SYNJ2: variants seen among roughly 807,000 people sequenced by gnomAD.
The protein encoded by SYNJ2 is synaptojanin 2.
Under a neutral mutation model 141.3 loss-of-function variants are expected in SYNJ2, and 116 were observed. That is an observed-to-expected ratio of 0.82 (90% CI 0.71 to 0.96). The LOEUF is 0.96. Ranked by LOEUF, SYNJ2 falls within the 40% of genes least tolerant of loss-of-function variation. The pLI is 0.00. For missense variants in SYNJ2, 1,873 were observed against 1,934.8 expected, an observed-to-expected ratio of 0.97 and a Z score of 0.60; for synonymous variants, 745 against 777.7, an observed-to-expected ratio of 0.96 and a Z score of 0.70.
intron 3 of SYNJ2, among the ~76,000 whole-genome samples, chr6:158,032,576 A>G (rs1262742952): frequency 1.3e-5 from 2 of 152,202 alleles, no homozygotes; most frequent in South Asian, 4.1e-4. Flanking sequence ...GGGCCTCATG[A>G]AGAAAGGCTC....
In SYNJ2 at chr6:158,007,264, G is replaced by A. The variant is rs556013298; in HGVS notation, c.128-9940G>A. 3.5e-4 allele frequency among the ~76,000 whole-genome samples: 53 copies of A among 152,288 alleles called. 1 individual carries two copies. The South Asian group carries it at 3.9e-3, about 11-fold the overall frequency. ...ATTAGAGGCAGGAGCCCCCACACCCGGCCCCATGATTGTAAATAACTCTGT... is the reference window on the plus strand; with the variant it reads ...ATTAGAGGCAGGAGCCCCCACACCCAGCCCCATGATTGTAAATAACTCTGT... On this transcript the variant is annotated intron_variant, in intron 1 of 26. Coordinates refer to ENST00000355585, the MANE Select transcript of SYNJ2 (RefSeq NM_003898.4).
chr6:158,033,769 C>T (rs1779498982), intron 4 of SYNJ2, 89 bp downstream of exon 4: 1 of 1,349,660 alleles, frequency 7.4e-7, no homozygotes, highest in Admixed American at 2.1e-5. Flanking sequence ...CAGAAGAGGC[C>T]CTGGCATATT....
chr6:158,044,008 C>T (rs1780098928), intron 5 of SYNJ2, among the ~76,000 whole-genome samples: 1 of 152,238 alleles, frequency 6.6e-6, no homozygotes, highest in Admixed American at 6.5e-5. Flanking sequence ...GACACGCTGC[C>T]TCCTTCACCA....
At position 158,095,671 on chromosome 6, in the gene SYNJ2, G is replaced by A. The variant is rs775967614; in HGVS notation, c.3798G>A (p.Gly1266=). Residue 1266 remains glycine (G), a synonymous_variant, in exon 27 of 27, where the codon GGG becomes GGA. Transcript: ENST00000355585. ...FEQQTVHFTI[G]PPETSVEAPP... Reference sequence around the variant, plus strand: ...AACAGACTGTCCATTTTACAATCGGGCCCCCGGAGACAAGCGTTGAGGCCC... The same window carrying A: ...AACAGACTGTCCATTTTACAATCGGACCCCCGGAGACAAGCGTTGAGGCCC... 27 of 1,613,038 alleles carry A rather than the reference G, an allele frequency of 1.7e-5. No individual in the cohort carries two copies. Among genetic ancestry groups the A allele is most frequent in the Non-Finnish European group, 1.5e-5 (18 of 1,179,656 alleles).
At chr6:158,035,161 C>T (rs989520046) in intron 4 of SYNJ2, among the ~76,000 whole-genome samples, 15 of 152,216 alleles carry the variant, frequency 9.9e-5, no homozygotes, top group African/African-American at 3.1e-4. Context: ...CTTGGCTATT[C>T]GGGCTCTTTT....
chr6:158,017,399 T>A, intron 2 of SYNJ2, 109 bp downstream of exon 2: 146 of 832,766 alleles, frequency 1.8e-4, no homozygotes, highest in Middle Eastern at 3.9e-4. Flanking sequence ...CTCTTCTCTC[T>A]CTCTTCTTTT....
intron 15 of SYNJ2, among the ~76,000 whole-genome samples, chr6:158,073,914 T>A (rs56102260): frequency 0.69 from 103,496 of 150,174 alleles, 35,967 homozygotes; most frequent in East Asian, 0.88. Context: ...TTTTTTTTTT[T>A]AATCTAAGAG....
chr6:158,073,897 CTTTGTT>C (rs1248399385), intron 15 of SYNJ2, among the ~76,000 whole-genome samples: 2 of 52,760 alleles, frequency 3.8e-5, no homozygotes, highest in Admixed American at 2.4e-4. Flanking sequence ...TGTTTCTGAA[CTTTGTT>C]TTTTTTTTTT....
intron 1 of SYNJ2, among the ~76,000 whole-genome samples, chr6:157,993,141 C>T (rs1777512995): frequency 6.6e-6 from 1 of 150,432 alleles, no homozygotes; most frequent in Non-Finnish European, 1.5e-5. Context: ...AATTTACATT[C>T]CCACCAACTG....
chr6:158,055,140 A>G, intron 6 of SYNJ2, 112 bp downstream of exon 6: 3 of 1,101,306 alleles, frequency 2.7e-6, no homozygotes, highest in Non-Finnish European at 4.0e-6. Flanking sequence ...TGAACCCTGA[A>G]TCTAAAGCTG....
chr6:158,031,620 G>GTC (rs55908558), intron 3 of SYNJ2, among the ~76,000 whole-genome samples: 57,278 of 151,720 alleles, frequency 0.38, 11,048 homozygotes, highest in Middle Eastern at 0.49. Context: ...GTGGCGCAGC[G>GTC]TGAGGTCTGG....
intron 1 of SYNJ2, among the ~76,000 whole-genome samples, chr6:157,986,151 A>G (rs189936879): frequency 3.9e-5 from 6 of 152,272 alleles, no homozygotes; most frequent in Admixed American, 3.9e-4. Flanking sequence ...ATGCTCCTGG[A>G]CAAAGTTGAA....
At chr6:157,990,101 G>T (rs1053873931) in intron 1 of SYNJ2, among the ~76,000 whole-genome samples, 7 of 152,236 alleles carry the variant, frequency 4.6e-5, no homozygotes, top group Non-Finnish European at 1.0e-4. Context: ...TGCTTGTAAA[G>T]CCTCCTGGTT....
At chr6:158,030,105 G>A (rs537186781) in intron 3 of SYNJ2, among the ~76,000 whole-genome samples, 30 of 152,264 alleles carry the variant, frequency 2.0e-4, no homozygotes, top group African/African-American at 7.0e-4. Context: ...AAGATCTCCT[G>A]GTGCTTTTTC....
Position 157,982,093 on chromosome 6 carries a change from G to A in SYNJ2, c.127+5G>A. 7.5e-7 allele frequency: 1 copy of A among 1,324,958 alleles called. No homozygotes were observed. The highest frequency in any genetic ancestry group is 9.6e-7 in the Non-Finnish European group (1 of 1,039,280). The allele number at this position is 1,324,958 out of a possible 1,614,324, so 82.1% of individuals were successfully genotyped here. A position where few individuals can be genotyped will look rare whatever the true frequency, so the allele number is the denominator to read the frequency against. ...CCGGCACGGTGGCCACGCTGGGTGA[G>A]TCCGGGCCGGGGGCAGCGACGCCCG... On this transcript the variant is annotated splice_donor_5th_base_variant and intron_variant, in intron 1 of 26. Transcript: ENST00000355585. The surrounding 1 kb of genome is among the most constrained non-coding windows in gnomAD (Gnocchi z 4.0).
intron 2 of SYNJ2, among the ~76,000 whole-genome samples, chr6:158,025,087 G>C (rs1778969719): frequency 1.3e-5 from 2 of 152,190 alleles, no homozygotes; most frequent in Non-Finnish European, 2.9e-5. Flanking sequence ...TTTATTTCGC[G>C]CAGTTCTGGA....
chr6:158,096,353 G>A lies in SYNJ2; in HGVS notation c.4480G>A (p.Ala1494Thr). Residue 1494 changes from alanine to threonine, a missense_variant, in exon 27 of 27, where the codon GCA becomes ACA. Ala to Thr is a moderately conservative substitution (Grantham distance 58). Coordinates refer to ENST00000355585, the MANE Select transcript of SYNJ2 (RefSeq NM_003898.4). ...RTALQVFDPL[A>T]KT ...AGCACTGCAGGTGTTTGACCCACTGGCAAAAACATGACTGAGCAGCTTTGA... is the reference window on the plus strand; with the variant it reads ...AGCACTGCAGGTGTTTGACCCACTGACAAAAACATGACTGAGCAGCTTTGA... 1 of 1,603,740 alleles carries A rather than the reference G, an allele frequency of 6.2e-7. No individual in the cohort carries two copies. The highest frequency in any genetic ancestry group is 8.5e-7 in the Non-Finnish European group (1 of 1,176,478).
chr6:157,990,357 C>G (rs1583281936), intron 1 of SYNJ2, among the ~76,000 whole-genome samples: 1 of 152,292 alleles, frequency 6.6e-6, no homozygotes. Context: ...TGGCGTGCCC[C>G]AAGCCAGCCT....
Position 158,066,537 on chromosome 6 carries a change from A to G in SYNJ2, c.1619A>G (p.Asn540Ser), listed in dbSNP as rs1427409089. Residue 540 changes from asparagine (N) to serine (S), a missense_variant, in exon 12 of 27, where the codon AAC (asparagine) becomes AGC (serine). Physicochemically the swap from Asn to Ser is conservative, Grantham distance 46. Coordinates refer to ENST00000355585, the MANE Select transcript of SYNJ2 (RefSeq NM_003898.4). Reference protein sequence around the residue: ...IRIAMGTWNVNGGKQFRSNVL... With the variant: ...IRIAMGTWNVSGGKQFRSNVL... ...ATTGCTATGGGGACCTGGAACGTGA[A>G]CGGAGGAAAGCAGTTCCGGAGCAAC... 6.2e-7 allele frequency: 1 copy of G among 1,614,110 alleles called. No homozygotes were observed. The highest frequency in any genetic ancestry group is 1.3e-5 in the African/African-American group (1 of 74,944).
Sources: allele counts gnomAD v4.1 joint callset (sites outside exome capture counted in the v4.1 genomes callset), GRCh38; gene constraint gnomAD v4.1.1; non-coding constraint Gnocchi (gnomAD v3.1); transcripts MANE v1.5; gene names NCBI Gene and HGNC (gene_info 2026-07-23, HGNC 2026-07-21).